The following PCDH15 variants were observed in gnomAD, a reference collection of about 807,000 sequenced individuals.
The protein encoded by PCDH15 is protocadherin-15.
A neutral mutation model predicts 178.5 loss-of-function variants in PCDH15; 129 were observed. The observed-to-expected ratio is 0.72, with a 90% confidence interval of 0.63 to 0.84. The LOEUF is 0.84. Among genes scored for constraint, PCDH15 ranks in the 40% least tolerant of loss-of-function variants. PCDH15 has a pLI of 0.00. For missense variants in PCDH15, 2,230 were observed against 2,099.9 expected, an observed-to-expected ratio of 1.06 and a Z score of -1.21; for synonymous variants, 800 against 732.0, an observed-to-expected ratio of 1.09 and a Z score of -1.50.
At chr10:54,130,711 T>A (rs1340200680) in intron 15 of PCDH15, among the ~76,000 whole-genome samples, 1 of 152,226 alleles carries the variant, frequency 6.6e-6, no homozygotes, top group Non-Finnish European at 1.5e-5. Context: ...AATTTGCTGC[T>A]ATCTTCAAAA....
chr10:54,161,383 T>C (rs1447366413), intron 13 of PCDH15, among the ~76,000 whole-genome samples: 1 of 152,082 alleles, frequency 6.6e-6, no homozygotes, highest in Non-Finnish European at 1.5e-5. Flanking sequence ...ACAGGGGGTG[T>C]CTACAGCTGA....
chr10:54,974,764 C>A (rs1839025152), intron 2 of PCDH15, among the ~76,000 whole-genome samples: 1 of 152,094 alleles, frequency 6.6e-6, no homozygotes, highest in African/African-American at 2.4e-5. Flanking sequence ...TTTGCCCTTA[C>A]CATGTAATGT....
intron 2 of PCDH15, among the ~76,000 whole-genome samples, chr10:55,373,555 T>C (rs1186293716): frequency 1.3e-5 from 2 of 151,666 alleles, no homozygotes; most frequent in African/African-American, 4.8e-5. Context: ...TAAAAAAAAA[T>C]GTCCAGTGCC....
chr10:53,846,813 T>C (rs575429247), intron 28 of PCDH15, among the ~76,000 whole-genome samples: 23 of 152,140 alleles, frequency 1.5e-4, no homozygotes, highest in Non-Finnish European at 3.4e-4. Context: ...TATTTATTTT[T>C]TTACACTAAA....
rs529543954 is a variant in PCDH15, at chr10:54,132,160, T to C, written c.1917+715A>G. Among the ~76,000 whole-genome samples, 170 of 152,284 alleles carry C rather than the reference T, an allele frequency of 1.1e-3. 1 individual carries two copies. The highest frequency in any genetic ancestry group is 0.011 in the South Asian group (51 of 4,832). ...GTACGTCATCTTATGATTCTTATGA[T>C]TGGCATAGCAAAGTGAAAATATATC... On this transcript the variant is annotated intron_variant, in intron 15 of 37. Transcript: ENST00000644397.
chr10:54,450,095 AG>A (rs2076374902), intron 3 of PCDH15, among the ~76,000 whole-genome samples: 2 of 148,302 alleles, frequency 1.3e-5, no homozygotes, highest in African/African-American at 4.9e-5. Flanking sequence ...TTTAGAAGCA[AG>A]TTTGAAGTGG....
chr10:53,950,750 A>G (rs1475969078), intron 23 of PCDH15, among the ~76,000 whole-genome samples: 1 of 152,230 alleles, frequency 6.6e-6, no homozygotes, highest in African/African-American at 2.4e-5. Context: ...AATCTCAAGT[A>G]GTATGTGTTT....
chr10:54,475,371 G>T (rs1196904053), intron 3 of PCDH15, among the ~76,000 whole-genome samples: 1 of 151,922 alleles, frequency 6.6e-6, no homozygotes, highest in Admixed American at 6.6e-5. Flanking sequence ...TGTTTGAGTT[G>T]TATATGTTTG....
rs142018399 is a variant in PCDH15, at chr10:54,322,999, C to T, written c.706-5558G>A. Among the ~76,000 whole-genome samples the T allele has an allele frequency of 3.3e-5, 5 of 152,162 alleles. No individual in the cohort carries two copies. The East Asian group carries it at 9.7e-4, about 29-fold the overall frequency. On this transcript the variant is annotated intron_variant, in intron 7 of 37. Transcript: ENST00000644397. Reference sequence around the variant, plus strand: ...TCTAATATTCAGAATCTATAAGGAACTTAAACAATTTAAGAAGCAAAAGAC... The same window carrying T: ...TCTAATATTCAGAATCTATAAGGAATTTAAACAATTTAAGAAGCAAAAGAC...
intron 2 of PCDH15, among the ~76,000 whole-genome samples, chr10:54,644,217 C>T (rs892463422): frequency 6.6e-6 from 1 of 150,914 alleles, no homozygotes; most frequent in African/African-American, 2.4e-5. Context: ...TCCTAACATA[C>T]TTTTATATAG....
rs765129268 is a variant in PCDH15, at chr10:53,823,072, A to G, written c.4368-2842T>C. On this transcript the variant is annotated intron_variant, in intron 32 of 37. Transcript: ENST00000644397. ...CTCTTGGCTTGTATTTTGGGTGAAAATGGGTCTACAAAATCTGTTCTCTGT... is the reference window on the plus strand; with the variant it reads ...CTCTTGGCTTGTATTTTGGGTGAAAGTGGGTCTACAAAATCTGTTCTCTGT... The G allele has an allele frequency of 7.4e-6, 12 of 1,613,958 alleles. No individual in the cohort carries two copies. The highest frequency in any genetic ancestry group is 1.0e-5 in the Non-Finnish European group (12 of 1,179,966).
intron 1 of PCDH15, among the ~76,000 whole-genome samples, chr10:54,687,634 G>T (rs1016876996): frequency 1.3e-5 from 2 of 152,024 alleles, no homozygotes; most frequent in African/African-American, 2.4e-5. Flanking sequence ...TATGACACTG[G>T]ACTCCATTCA....
intron 2 of PCDH15, among the ~76,000 whole-genome samples, chr10:54,992,310 T>G (rs925453920): frequency 6.6e-6 from 1 of 152,116 alleles, no homozygotes; most frequent in Non-Finnish European, 1.5e-5. Flanking sequence ...GGTCAAAACA[T>G]GAACACTTGA....
intron 9 of PCDH15, among the ~76,000 whole-genome samples, chr10:54,214,706 C>T (rs1181017685): frequency 6.6e-6 from 1 of 152,114 alleles, no homozygotes; most frequent in Non-Finnish European, 1.5e-5. Flanking sequence ...GTTCCCCTGC[C>T]TCAGCCCCCA....
intron 1 of PCDH15, among the ~76,000 whole-genome samples, chr10:55,249,580 A>T (rs1841780617): frequency 6.6e-6 from 1 of 152,146 alleles, no homozygotes; most frequent in Non-Finnish European, 1.5e-5. Context: ...TATCAAACAC[A>T]ATCTGCTGAA....
intron 6 of PCDH15, among the ~76,000 whole-genome samples, chr10:54,333,543 G>A (rs2583020): frequency 0.73 from 108,457 of 149,202 alleles, 40,359 homozygotes; most frequent in African/African-American, 0.82. Flanking sequence ...TGATATTTCT[G>A]AAGTGTTTAC....
At chr10:54,909,179 A>T (rs1954776966) in intron 2 of PCDH15, among the ~76,000 whole-genome samples, 1 of 152,126 alleles carries the variant, frequency 6.6e-6, no homozygotes, top group African/African-American at 2.4e-5. Flanking sequence ...AGGCACCACG[A>T]GTTCTCACTC....
At chr10:54,173,611 T>C in intron 13 of PCDH15, among the ~76,000 whole-genome samples, 1 of 152,212 alleles carries the variant, frequency 6.6e-6, no homozygotes, top group East Asian at 1.9e-4. Context: ...ATATTTTACC[T>C]ACATCTATTA....
At chr10:55,029,567 A>G (rs1453234863) in intron 2 of PCDH15, among the ~76,000 whole-genome samples, 3 of 152,132 alleles carry the variant, frequency 2.0e-5, no homozygotes, top group Admixed American at 2.0e-4. Context: ...TTTGGTAAAG[A>G]ATATTAGGGG....
Sources: gnomAD v4.1 joint callset for allele counts (sites outside exome capture counted in the v4.1 genomes callset) on GRCh38, gnomAD v4.1.1 for gene constraint, MANE v1.5 for transcripts, NCBI Gene and HGNC (gene_info 2026-07-23, HGNC 2026-07-21) for gene names.